The following RASSF8 variants were observed in gnomAD, a reference collection of about 807,000 sequenced individuals.
RASSF8 encodes the protein ras association domain-containing protein 8.
Under a neutral mutation model 48.5 loss-of-function variants are expected in RASSF8, and 22 were observed. The ratio of observed to expected loss-of-function variants is 0.45; its 90% CI spans 0.32 to 0.65. RASSF8 has a LOEUF of 0.65. Among genes scored for constraint, RASSF8 ranks in the 30% least tolerant of loss-of-function variants. The pLI is 0.03. For synonymous variants in RASSF8, 127 were observed against 171.5 expected (o/e 0.74, Z 2.03); for missense variants, 418 against 489.2 (o/e 0.85, Z 1.37).
At chr12:26,013,006 G>A (rs956693691) in intron 2 of RASSF8, among the ~76,000 whole-genome samples, 1 of 152,128 alleles carries the variant, frequency 6.6e-6, no homozygotes, top group African/African-American at 2.4e-5. Flanking sequence ...GTGCCAGTTT[G>A]CTCTGTCTTC....
chr12:26,071,400 G>A lies in RASSF8; in HGVS notation c.*2582G>A. ...ATACTAAATTAGATTTCAATGTTTT[G>A]TGTTTTTTTTAAAAAAATCATATTG... On this transcript the variant is annotated 3_prime_UTR_variant, in exon 6 of 6. Coordinates refer to ENST00000689635, the MANE Select transcript of RASSF8 (RefSeq NM_001394098.1). 1 of 943,794 alleles carries A rather than the reference G, an allele frequency of 1.1e-6. No individual in the cohort carries two copies. Among genetic ancestry groups the A allele is most frequent in the Non-Finnish European group, 1.3e-6 (1 of 793,506 alleles). 58.5% of individuals were successfully genotyped at this position (943,794 alleles called of 1,614,324 possible).
intron 2 of RASSF8, among the ~76,000 whole-genome samples, chr12:26,028,222 A>G (rs551854185): frequency 5.9e-5 from 9 of 152,334 alleles, no homozygotes; most frequent in Middle Eastern, 3.4e-3. Flanking sequence ...CTTTGGAAGT[A>G]TAGGTGATTT....
rs773737664 is a variant in RASSF8 at position 26,055,407 on chromosome 12, A to G, written c.64A>G (p.Thr22Ala). The change falls in exon 3 of 6, where the codon ACT (threonine) becomes GCT (alanine). Residue 22 changes from threonine (T) to alanine (A), a missense_variant. Physicochemically the swap from Thr to Ala is moderately conservative, Grantham distance 58. Transcript: ENST00000689635. Reference sequence around the variant, plus strand: ...TGTTTGTGGAGTCACTGAAGTCACAACTTGCCAGGAGGTTGTCATAGCCTT... The same window carrying G: ...TGTTTGTGGAGTCACTGAAGTCACAGCTTGCCAGGAGGTTGTCATAGCCTT... ...RIVCGVTEVT[T>A]CQEVVIALAQ... 1.1e-5 allele frequency: 17 copies of G among 1,614,038 alleles called. No homozygotes were observed. Among genetic ancestry groups the G allele is most frequent in the Admixed American group, 1.7e-5 (1 of 59,996 alleles).
chr12:26,017,686 G>A (rs55652604), intron 2 of RASSF8, among the ~76,000 whole-genome samples: 86 of 152,332 alleles, frequency 5.6e-4, no homozygotes, highest in Middle Eastern at 3.4e-3. Flanking sequence ...TGTAGGAGCT[G>A]GTCACAGGAG....
chr12:26,031,537 A>C (rs987915264), intron 2 of RASSF8, among the ~76,000 whole-genome samples: 4 of 152,196 alleles, frequency 2.6e-5, no homozygotes, highest in Non-Finnish European at 4.4e-5. Context: ...ATTTGGTGGC[A>C]GTGTGCCAGG....
intron 2 of RASSF8, among the ~76,000 whole-genome samples, chr12:26,046,202 G>C (rs1013660839): frequency 2.0e-5 from 3 of 152,124 alleles, no homozygotes; most frequent in Non-Finnish European, 2.9e-5. Context: ...TATATCATTT[G>C]GTTTAGTAGT....
At chr12:26,025,858 C>A (rs1334434141) in intron 2 of RASSF8, among the ~76,000 whole-genome samples, 4 of 151,540 alleles carry the variant, frequency 2.6e-5, no homozygotes, top group Non-Finnish European at 4.4e-5. Context: ...ACACTGAAAA[C>A]TATAATACAT....
At chr12:26,049,571 G>C (rs1348842283) in intron 2 of RASSF8, among the ~76,000 whole-genome samples, 1 of 152,114 alleles carries the variant, frequency 6.6e-6, no homozygotes, top group Non-Finnish European at 1.5e-5. Context: ...ACCCTGCTGG[G>C]TATGAGAGAA....
intron 2 of RASSF8, among the ~76,000 whole-genome samples, chr12:26,036,315 A>G (rs1027032732): frequency 4.6e-5 from 7 of 152,054 alleles, no homozygotes; most frequent in African/African-American, 1.7e-4. Context: ...GTTTTGTTTC[A>G]TCCATCCCTT....
chr12:25,968,459 C>T (rs1941409568), intron 1 of RASSF8, among the ~76,000 whole-genome samples: 2 of 152,226 alleles, frequency 1.3e-5, no homozygotes, highest in Non-Finnish European at 2.9e-5. Context: ...TCTCCTGCCT[C>T]AGCCTCCCGA....
chr12:25,990,260 T>C (rs762477649), intron 1 of RASSF8, among the ~76,000 whole-genome samples: 13 of 152,188 alleles, frequency 8.5e-5, no homozygotes, highest in Non-Finnish European at 1.9e-4. Flanking sequence ...CCACCAGCCA[T>C]TAGTGATTTC....
At chr12:26,058,892 AACC>A (rs1943675872) in intron 3 of RASSF8, among the ~76,000 whole-genome samples, 1 of 152,242 alleles carries the variant, frequency 6.6e-6, no homozygotes, top group African/African-American at 2.4e-5. Context: ...CTAAAAGTGA[AACC>A]TTAGTTGAAA....
chr12:26,072,455 A>G lies in RASSF8; in HGVS notation c.*3637A>G. 1 of 970,182 alleles carries G rather than the reference A, an allele frequency of 1.0e-6. No individual in the cohort carries two copies. The highest frequency in any genetic ancestry group is 1.2e-6 in the Non-Finnish European group (1 of 816,012). 60.1% of individuals were successfully genotyped at this position (970,182 alleles called of 1,614,324 possible). On this transcript the variant is annotated 3_prime_UTR_variant, in exon 6 of 6. Transcript: ENST00000689635. ...TTATATATTTTTAGAAACCAAATAAATGCAGAAAACTATTTCGTATACTAA... is the reference window on the plus strand; with the variant it reads ...TTATATATTTTTAGAAACCAAATAAGTGCAGAAAACTATTTCGTATACTAA...
In RASSF8 at chr12:26,064,979, G is replaced by A; in HGVS notation, c.585G>A (p.Glu195=). 3 of 1,613,422 alleles carry A rather than the reference G, an allele frequency of 1.9e-6. No homozygotes were observed. Among genetic ancestry groups the A allele is most frequent in the Non-Finnish European group, 2.5e-6 (3 of 1,179,786 alleles). ...ATGAAATAGAAATAAGATTTTGGGA[G>A]CAAAAGTATAATTCCAACCTTGAAG... is the stretch of plus-strand genomic sequence containing the variant. The part of the protein sequence containing the change: ...ESNEIEIRFW[E]QKYNSNLEEE... Residue 195 remains glutamate (E), a synonymous_variant, in exon 4 of 6, where the codon GAG becomes GAA. Coordinates refer to ENST00000689635, the MANE Select transcript of RASSF8 (RefSeq NM_001394098.1).
At chr12:26,000,798 A>AT (rs1942237028) in intron 2 of RASSF8, among the ~76,000 whole-genome samples, 1 of 152,124 alleles carries the variant, frequency 6.6e-6, no homozygotes, top group Non-Finnish European at 1.5e-5. Context: ...GAAATACTGT[A>AT]TAAAAGATTT....
chr12:26,035,912 A>G (rs1307570969), intron 2 of RASSF8, among the ~76,000 whole-genome samples: 5 of 146,098 alleles, frequency 3.4e-5, no homozygotes, highest in South Asian at 2.1e-4. Context: ...ATATGATTTC[A>G]TATATATGAT....
Position 26,063,903 on chromosome 12 carries a change from C to T in RASSF8, c.104-595C>T, listed in dbSNP as rs545125500. ...TCCAGGAAGATGTCAGCTGTGTGAG[C>T]GATGGGTTGGTGGAGCACTCAGGTG... On this transcript the variant is annotated intron_variant, in intron 3 of 5. Transcript: ENST00000689635. Among the ~76,000 whole-genome samples, 2 of 152,126 alleles carry T rather than the reference C, an allele frequency of 1.3e-5. 1 individual carries two copies. The highest frequency in any genetic ancestry group is 4.8e-5 in the African/African-American group (2 of 41,508).
rs201558359 is a variant in RASSF8, at chr12:26,055,335, C to T, written c.-9C>T. On this transcript the variant is annotated 5_prime_UTR_variant, in exon 3 of 6. Transcript: ENST00000689635. ...CTCTCAGGGACCTTGAGTGACTGGCCGGTGCACCATGGAACTTAAAGTATG... is the reference window on the plus strand; with the variant it reads ...CTCTCAGGGACCTTGAGTGACTGGCTGGTGCACCATGGAACTTAAAGTATG... 83 of 1,611,956 alleles carry T rather than the reference C, an allele frequency of 5.1e-5. No individual in the cohort carries two copies. Among genetic ancestry groups the T allele is most frequent in the African/African-American group, 4.3e-4 (32 of 74,942 alleles).
intron 2 of RASSF8, chr12:26,011,796 C>T (rs1942531710): frequency 6.6e-6 from 1 of 152,166 alleles, no homozygotes; most frequent in African/African-American, 2.4e-5. Context: ...GGTGACTTGA[C>T]CTTGGACTTT....
Sources: gnomAD v4.1 joint callset for allele counts (sites outside exome capture counted in the v4.1 genomes callset) on GRCh38, gnomAD v4.1.1 for gene constraint, MANE v1.5 for transcripts, NCBI Gene and HGNC (gene_info 2026-07-23, HGNC 2026-07-21) for gene names.